Variants in NFATC1 observed in about 807,000 individuals in gnomAD.
The protein encoded by NFATC1 is nuclear factor of activated T-cells, cytoplasmic 1.
In NFATC1, 22 loss-of-function variants were observed where a neutral mutation model predicts 76.0. That is an observed-to-expected ratio of 0.29 (90% CI 0.21 to 0.41). The LOEUF (loss-of-function observed/expected upper bound fraction) is 0.41. Among genes scored for constraint, NFATC1 ranks in the 10% least tolerant of loss-of-function variants. The pLI is 1.00. For synonymous variants in NFATC1, 704 were observed against 613.1 expected (o/e 1.15, Z -2.19); for missense variants, 1,357 against 1,337.7 (o/e 1.01, Z -0.23).
At chr18:79,400,525 G>A in intron 1 of NFATC1, 1 of 1,349,034 alleles carries the variant, frequency 7.4e-7, no homozygotes, top group Non-Finnish European at 9.5e-7. Flanking sequence ...CCAGGTCGGG[G>A]TTTGGGGGCG....
At chr18:79,473,742 C>T (rs1307403799) in intron 8 of NFATC1, among the ~76,000 whole-genome samples, 6 of 147,550 alleles carry the variant, frequency 4.1e-5, no homozygotes, top group Non-Finnish European at 7.4e-5. Context: ...CACTCACTGT[C>T]GACGTTGTGA....
intron 1 of NFATC1, among the ~76,000 whole-genome samples, chr18:79,400,968 C>T (rs2958431): frequency 0.026 from 1,829 of 70,722 alleles, 109 homozygotes; most frequent in East Asian, 0.035. Context: ...TCCCCGCCGC[C>T]GTCTCCCCAC....
chr18:79,457,678 A>G (rs2087810591), intron 6 of NFATC1, among the ~76,000 whole-genome samples: 1 of 152,190 alleles, frequency 6.6e-6, no homozygotes, highest in Non-Finnish European at 1.5e-5. Context: ...TTGTCCCCAG[A>G]AAGAAACCCT....
At chr18:79,469,725 T>C in intron 8 of NFATC1, 1 of 985,740 alleles carries the variant, frequency 1.0e-6, no homozygotes, top group African/African-American at 1.7e-5. Flanking sequence ...CCGTTCTCCC[T>C]CTCTTTGCCT....
chr18:79,435,330 T>G (rs1049803028), intron 3 of NFATC1, among the ~76,000 whole-genome samples: 1 of 62,732 alleles, frequency 1.6e-5, no homozygotes. Flanking sequence ...GGTTTCTGTT[T>G]GTTTTGTTTT....
intron 8 of NFATC1, among the ~76,000 whole-genome samples, chr18:79,471,302 G>A (rs370746631): frequency 5.9e-5 from 9 of 152,228 alleles, no homozygotes; most frequent in Non-Finnish European, 8.8e-5. Flanking sequence ...GAAAGGCGGC[G>A]TCCGCGTGGC....
At chr18:79,462,124 C>T (rs1378535475) in intron 7 of NFATC1, among the ~76,000 whole-genome samples, 1 of 152,128 alleles carries the variant, frequency 6.6e-6, no homozygotes, top group Non-Finnish European at 1.5e-5. Context: ...TTGGAGATGA[C>T]CTTTTGTGTG....
intron 6 of NFATC1, among the ~76,000 whole-genome samples, chr18:79,453,087 G>A (rs934093293): frequency 6.6e-6 from 1 of 152,206 alleles, no homozygotes; most frequent in African/African-American, 2.4e-5. Context: ...GACCGGGAAG[G>A]CATTTGCATT....
intron 1 of NFATC1, among the ~76,000 whole-genome samples, chr18:79,409,496 T>C (rs988783593): frequency 2.6e-5 from 4 of 151,458 alleles, no homozygotes; most frequent in Admixed American, 6.6e-5. Flanking sequence ...GCATCATTCA[T>C]CCATCCATCC....
At chr18:79,492,720 A>AGAAAAATGAATCC (rs1242605742) in intron 9 of NFATC1, among the ~76,000 whole-genome samples, 1 of 150,406 alleles carries the variant, frequency 6.6e-6, no homozygotes, top group African/African-American at 2.4e-5. Context: ...AAAAAAAAAA[A>AGAAAAATGAATCC]AAGATTAGCT....
At chr18:79,521,502 GTGTC>G (rs1470808171) in intron 9 of NFATC1, among the ~76,000 whole-genome samples, 1 of 70,188 alleles carries the variant, frequency 1.4e-5, no homozygotes, top group Non-Finnish European at 2.8e-5. Flanking sequence ...ACTGATGTGT[GTGTC>G]TGTGTGTGTG....
intron 2 of NFATC1, among the ~76,000 whole-genome samples, chr18:79,412,055 A>G (rs2085710296): frequency 6.6e-6 from 1 of 152,196 alleles, no homozygotes; most frequent in Non-Finnish European, 1.5e-5. Flanking sequence ...CACGCTTTGG[A>G]ACAGCACGGC....
intron 8 of NFATC1, chr18:79,469,427 G>T: frequency 1.0e-6 from 1 of 985,532 alleles, no homozygotes. Context: ...CCCTTCACAG[G>T]TGGGAGGTGG....
intron 9 of NFATC1, among the ~76,000 whole-genome samples, chr18:79,503,152 G>C (rs145683370): frequency 6.6e-6 from 1 of 152,320 alleles, no homozygotes; most frequent in East Asian, 1.9e-4. Flanking sequence ...TGAGTACTGA[G>C]CACCCCAGGA....
chr18:79,400,391 C>T (rs2085160363), intron 1 of NFATC1: 5 of 1,375,846 alleles, frequency 3.6e-6, no homozygotes, highest in African/African-American at 1.6e-5. Flanking sequence ...CCCGACCCGC[C>T]ATGACGGGGC....
At chr18:79,398,859 G>T (rs2085088873) in intron 1 of NFATC1, among the ~76,000 whole-genome samples, 1 of 152,252 alleles carries the variant, frequency 6.6e-6, no homozygotes, top group South Asian at 2.1e-4. Flanking sequence ...ACGAGGTCAA[G>T]AGATCGAGAC....
In NFATC1 at chr18:79,411,129, C is replaced by T. The variant is rs371345641; in HGVS notation, c.854C>T (p.Pro285Leu). 18 of 1,612,232 alleles carry T rather than the reference C, an allele frequency of 1.1e-5. No individual in the cohort carries two copies. Among genetic ancestry groups the T allele is most frequent in the East Asian group, 6.7e-5 (3 of 44,868 alleles). The change falls in exon 2 of 10, where the codon CCG becomes CTG. Residue 285 changes from proline (P) to leucine (L), a missense_variant. By Grantham distance (98) the Pro-to-Leu change is moderately conservative (BLOSUM62 -3). This residue lies in a region of NFATC1 where 691 missense variants were observed against 613.1 expected (regional missense o/e 1.13). Transcript: ENST00000427363. ...PPYSPHHSPTPSPHGSPRVSV... is the reference protein window; with the variant it reads ...PPYSPHHSPTLSPHGSPRVSV... ...TACTCACCCCACCACTCGCCCACGC[C>T]GTCCCCGCACGGCTCCCCGCGGGTC... is the stretch of plus-strand genomic sequence containing the variant.
intron 9 of NFATC1, among the ~76,000 whole-genome samples, chr18:79,492,626 G>T (rs1200513673): frequency 6.6e-6 from 1 of 151,868 alleles, no homozygotes. Context: ...GGAGAATGGC[G>T]TGAACCTGGG....
At chr18:79,401,238 C>G (rs1020637945) in intron 1 of NFATC1, among the ~76,000 whole-genome samples, 1 of 151,614 alleles carries the variant, frequency 6.6e-6, no homozygotes, top group African/African-American at 2.4e-5. Flanking sequence ...TGTGCCCATT[C>G]TCAAGGCCTC....
Sources: allele counts gnomAD v4.1 joint callset (sites outside exome capture counted in the v4.1 genomes callset), GRCh38; gene constraint gnomAD v4.1.1; regional missense constraint gnomAD v4.1.1; transcripts MANE v1.5; gene names NCBI Gene and HGNC (gene_info 2026-07-23, HGNC 2026-07-21).